PARP8: variants seen among roughly 807,000 people sequenced by gnomAD.
The protein encoded by PARP8 is poly(ADP-ribose) polymerase family member 8.
A neutral mutation model predicts 124.1 loss-of-function variants in PARP8; 51 were observed. The observed-to-expected ratio is 0.41, with a 90% CI of 0.33 to 0.52. PARP8 has a LOEUF of 0.52. Among genes scored for constraint, PARP8 ranks in the 20% least tolerant of loss-of-function variants. The pLI is 0.21. For missense variants in PARP8, 860 were observed against 1,018.9 expected (o/e 0.84, Z 2.12); for synonymous variants, 391 against 361.5 (o/e 1.08, Z -0.93).
intron 2 of PARP8, among the ~76,000 whole-genome samples, chr5:50,679,201 A>G (rs1334256204): frequency 2.0e-5 from 3 of 152,158 alleles, no homozygotes; most frequent in Non-Finnish European, 2.9e-5. Flanking sequence ...ATATAAATGC[A>G]TGCAGTTTTC....
chr5:50,707,132 A>G (rs1285407462), intron 2 of PARP8, among the ~76,000 whole-genome samples: 1 of 152,130 alleles, frequency 6.6e-6, no homozygotes, highest in Admixed American at 6.5e-5. Context: ...ACACATAAGA[A>G]CATTTACTGA....
chr5:50,778,528 G>A, intron 8 of PARP8, 32 bp from the exon 9 acceptor site: 2 of 1,469,262 alleles, frequency 1.4e-6, no homozygotes, highest in South Asian at 1.2e-5. Context: ...TCTAAAAGAT[G>A]ATTAATTCAT....
chr5:50,808,596 T>C (rs1012035983), intron 14 of PARP8, among the ~76,000 whole-genome samples: 1 of 151,968 alleles, frequency 6.6e-6, no homozygotes, highest in Non-Finnish European at 1.5e-5. Flanking sequence ...TGACCTTCTA[T>C]TGTTGTGGAA....
intron 10 of PARP8, among the ~76,000 whole-genome samples, chr5:50,789,353 A>G (rs1350345266): frequency 2.0e-5 from 3 of 152,216 alleles, no homozygotes; most frequent in Non-Finnish European, 4.4e-5. Flanking sequence ...TACAGACACA[A>G]GAATTGGCTC....
chr5:50,813,068 C>A (rs1279108421), intron 14 of PARP8, among the ~76,000 whole-genome samples: 2 of 152,176 alleles, frequency 1.3e-5, no homozygotes, highest in Non-Finnish European at 1.5e-5. Flanking sequence ...ATTGTCTTAA[C>A]AATGTGGGCT....
chr5:50,733,541 A>C (rs538909540), intron 2 of PARP8, among the ~76,000 whole-genome samples: 1 of 152,134 alleles, frequency 6.6e-6, no homozygotes, highest in East Asian at 1.9e-4. Flanking sequence ...TTAAATTATC[A>C]ATTTTTGAAA....
chr5:50,835,199 G>A (rs556427124), intron 25 of PARP8, among the ~76,000 whole-genome samples, 184 bp downstream of exon 25: 4 of 152,218 alleles, frequency 2.6e-5, no homozygotes, highest in Admixed American at 2.0e-4. Flanking sequence ...TTTAAATGCT[G>A]TTAACTTAGA....
chr5:50,794,715 A>G, intron 11 of PARP8, 138 bp from the exon 12 acceptor site: 4 of 781,678 alleles, frequency 5.1e-6, no homozygotes, highest in Non-Finnish European at 8.1e-6. Context: ...CTTTGATTTC[A>G]GTTTTGACTG....
intron 2 of PARP8, among the ~76,000 whole-genome samples, chr5:50,702,587 A>C (rs1184135053): frequency 1.3e-5 from 2 of 152,186 alleles, no homozygotes; most frequent in East Asian, 1.9e-4. Flanking sequence ...TGCTTTTGAC[A>C]TCTTAGTCTT....
chr5:50,744,098 C>T (rs1025429176), intron 2 of PARP8, among the ~76,000 whole-genome samples: 2 of 152,070 alleles, frequency 1.3e-5, no homozygotes, highest in African/African-American at 4.8e-5. Context: ...AGTTATGGGC[C>T]CTGCTTGTAA....
At chr5:50,781,010 G>A (rs1399179461) in intron 9 of PARP8, among the ~76,000 whole-genome samples, 3 of 152,076 alleles carry the variant, frequency 2.0e-5, no homozygotes, top group Non-Finnish European at 4.4e-5. Flanking sequence ...TTCACCTCAA[G>A]TACATTTTAT....
intron 24 of PARP8, 181 bp from the exon 25 acceptor site, chr5:50,834,750 A>C (rs1476077736): frequency 4.8e-6 from 3 of 629,674 alleles, no homozygotes; most frequent in Non-Finnish European, 8.5e-6. Context: ...AAGTTGTTAC[A>C]TGGTCTTTCA....
intron 25 of PARP8, among the ~76,000 whole-genome samples, chr5:50,840,446 T>C (rs1561455991): frequency 6.6e-6 from 1 of 151,884 alleles, no homozygotes; most frequent in Non-Finnish European, 1.5e-5. Context: ...AAAGGTTTTG[T>C]GTTGCTGGAT....
chr5:50,732,832 A>T (rs974633799), intron 2 of PARP8, among the ~76,000 whole-genome samples: 3 of 151,618 alleles, frequency 2.0e-5, no homozygotes, highest in Non-Finnish European at 2.9e-5. Flanking sequence ...GTTGGCAAGG[A>T]TGGTCTCGAT....
At chr5:50,739,193 G>T (rs1757772567) in intron 2 of PARP8, 1 of 637,292 alleles carries the variant, frequency 1.6e-6, no homozygotes, top group Non-Finnish European at 2.9e-6. Flanking sequence ...TCCTTCCATT[G>T]CAGGGGGATC....
intron 2 of PARP8, among the ~76,000 whole-genome samples, chr5:50,696,944 C>T (rs540616996): frequency 6.6e-6 from 1 of 152,082 alleles, no homozygotes; most frequent in Non-Finnish European, 1.5e-5. Context: ...TGAGACCCAA[C>T]AACAGCTGCC....
chr5:50,798,200 C>T (rs574066564), intron 14 of PARP8, among the ~76,000 whole-genome samples: 1 of 152,192 alleles, frequency 6.6e-6, no homozygotes, highest in East Asian at 1.9e-4. Flanking sequence ...TTTGTTTATC[C>T]AGTCATCAGT....
chr5:50,680,210 T>A (rs1180425067), intron 2 of PARP8, among the ~76,000 whole-genome samples: 1 of 152,208 alleles, frequency 6.6e-6, no homozygotes, highest in Non-Finnish European at 1.5e-5. Flanking sequence ...TCTGGATCGG[T>A]GCCCTTTATT....
At chr5:50,803,833 A>C (rs1329678040) in intron 14 of PARP8, among the ~76,000 whole-genome samples, 1 of 152,096 alleles carries the variant, frequency 6.6e-6, no homozygotes, top group Non-Finnish European at 1.5e-5. Context: ...TACCCTGTGA[A>C]TAGGTCTTAC....
Sources: allele counts gnomAD v4.1 joint callset (sites outside exome capture counted in the v4.1 genomes callset), GRCh38; gene constraint gnomAD v4.1.1; transcripts MANE v1.5; gene names NCBI Gene and HGNC (gene_info 2026-07-23, HGNC 2026-07-21).